Variants in USH2A observed in about 807,000 individuals in gnomAD.
The protein encoded by USH2A is usherin, also known as Usher syndrome 2A (autosomal recessive, mild).
A neutral mutation model predicts 538.9 loss-of-function variants in USH2A; 443 were observed. That is an observed-to-expected ratio of 0.82 (90% CI 0.76 to 0.89). USH2A has a LOEUF of 0.89. Ranked by LOEUF, USH2A falls within the 40% of genes least tolerant of loss-of-function variation. The pLI, the probability that USH2A is intolerant of heterozygous loss-of-function variation, is 0.00. For missense variants in USH2A, 6,633 were observed against 6,324.8 expected (o/e 1.05, Z -1.65); for synonymous variants, 2,413 against 2,273.5 (o/e 1.06, Z -1.75).
chr1:215,661,559 T>C (rs545780967), intron 64 of USH2A, among the ~76,000 whole-genome samples: 1 of 152,316 alleles, frequency 6.6e-6, no homozygotes, highest in South Asian at 2.1e-4. Flanking sequence ...CCTTTGAATG[T>C]GCCATATGTT....
At chr1:216,109,981 T>C (rs2102584690) in intron 21 of USH2A, among the ~76,000 whole-genome samples, 1 of 152,336 alleles carries the variant, frequency 6.6e-6, no homozygotes, top group African/African-American at 2.4e-5. Flanking sequence ...GATATACCTG[T>C]ATTTTCCAAA....
At chr1:216,322,933 C>T (rs1353518940) in intron 8 of USH2A, among the ~76,000 whole-genome samples, 1 of 151,902 alleles carries the variant, frequency 6.6e-6, no homozygotes, top group Non-Finnish European at 1.5e-5. Context: ...TATTGTGAGT[C>T]ATGTTCTCAA....
chr1:216,113,937 T>A (rs2032939099), intron 21 of USH2A, among the ~76,000 whole-genome samples: 1 of 151,712 alleles, frequency 6.6e-6, no homozygotes, highest in Non-Finnish European at 1.5e-5. Flanking sequence ...TAAAGTGAGA[T>A]AGGGATATAT....
chr1:216,250,883 A>C lies in USH2A; in HGVS notation c.2167+20T>G, dbSNP rs781049371. 6.2e-7 allele frequency: 1 copy of C among 1,612,864 alleles called. No individual in the cohort carries two copies. ...AGATGGTAATAGAGATGTGACTGTA[A>C]ACTTTTGCGTTACACGTACCAATAA... On this transcript the variant is annotated intron_variant, in intron 12 of 71. Transcript: ENST00000307340.
intron 15 of USH2A, among the ~76,000 whole-genome samples, chr1:216,210,712 C>T (rs2035221265): frequency 6.6e-6 from 1 of 152,130 alleles, no homozygotes; most frequent in Non-Finnish European, 1.5e-5. Flanking sequence ...ATCCATGCTT[C>T]AGTCATGCCT....
chr1:215,783,922 C>T (rs143870862), intron 52 of USH2A, among the ~76,000 whole-genome samples: 160 of 152,276 alleles, frequency 1.1e-3, no homozygotes, highest in African/African-American at 3.8e-3. Flanking sequence ...TCCTTATATA[C>T]ATCTCCTTAC....
intron 48 of USH2A, among the ~76,000 whole-genome samples, chr1:215,814,508 T>G (rs1416376635): frequency 1.3e-5 from 2 of 152,052 alleles, no homozygotes; most frequent in Non-Finnish European, 2.9e-5. Flanking sequence ...TTTTCTAGCA[T>G]GAAAGATTGG....
chr1:215,993,870 T>C (rs934090408), intron 34 of USH2A, among the ~76,000 whole-genome samples: 1 of 152,094 alleles, frequency 6.6e-6, no homozygotes, highest in Non-Finnish European at 1.5e-5. Flanking sequence ...TAATTAAGTA[T>C]CACTAATGTC....
At chr1:215,721,298 C>T (rs185407756) in intron 61 of USH2A, among the ~76,000 whole-genome samples, 6 of 152,166 alleles carry the variant, frequency 3.9e-5, no homozygotes, top group South Asian at 2.1e-4. Context: ...TGGTCTCGAA[C>T]GCCTGACCTC....
intron 36 of USH2A, among the ~76,000 whole-genome samples, chr1:215,966,243 A>G (rs1224250875): frequency 6.6e-6 from 1 of 152,188 alleles, no homozygotes; most frequent in Non-Finnish European, 1.5e-5. Flanking sequence ...ATAAATAAGT[A>G]AAATAAGTGG....
In USH2A at chr1:216,012,079, C is replaced by T. The variant is rs1485998208; in HGVS notation, c.6326-11517G>A. 6.2e-5 allele frequency among the ~76,000 whole-genome samples: 5 copies of T among 80,214 alleles called. 1 individual carries two copies. Among genetic ancestry groups the T allele is most frequent in the Non-Finnish European group, 1.1e-4 (4 of 38,082 alleles). The allele number at this position is 80,214 out of a possible 152,430, so 52.6% of individuals were successfully genotyped here. A position where few individuals can be genotyped will look rare whatever the true frequency, so the allele number is the denominator to read the frequency against. On this transcript the variant is annotated intron_variant, in intron 32 of 71. Coordinates refer to ENST00000307340, the MANE Select transcript of USH2A (RefSeq NM_206933.4). The stretch of plus-strand genomic sequence containing the variant: ...TCGGCTCACTGCAAGCTCCGCTTCC[C>T]GGGTTCACGCCATTCTCCTGCCTCA...
intron 38 of USH2A, among the ~76,000 whole-genome samples, chr1:215,920,343 C>G: frequency 6.6e-6 from 1 of 152,120 alleles, no homozygotes; most frequent in South Asian, 2.1e-4. Flanking sequence ...ATGCCACAAC[C>G]AGTCTGCTGT....
At chr1:216,163,170 T>A (rs1027055582) in intron 21 of USH2A, among the ~76,000 whole-genome samples, 7 of 151,850 alleles carry the variant, frequency 4.6e-5, no homozygotes, top group Middle Eastern at 3.2e-3. Context: ...CTTACATTGT[T>A]GCATACGATA....
chr1:215,675,611 G>A lies in USH2A; in HGVS notation c.12300C>T (p.Tyr4100=). ...PMRTNGVIKT[Y]NIFSDGFLEY... is the part of the protein sequence containing the mutation. ...CCAGGAACCCGTCACTGAAGATGTT[G>A]TATGTCTACAGAAGGACAGAAGCAA... is the stretch of plus-strand genomic sequence containing the variant. Residue 4100 remains tyrosine (Y), a synonymous_variant, in exon 63 of 72, where the codon TAC becomes TAT. Transcript: ENST00000307340. 6.2e-7 allele frequency: 1 copy of A among 1,614,088 alleles called. No individual in the cohort carries two copies. The highest frequency in any genetic ancestry group is 8.5e-7 in the Non-Finnish European group (1 of 1,179,992).
At chr1:215,833,683 A>G (rs982464631) in intron 47 of USH2A, among the ~76,000 whole-genome samples, 2 of 152,054 alleles carry the variant, frequency 1.3e-5, no homozygotes, top group Non-Finnish European at 2.9e-5. Flanking sequence ...TCAAGGAAAA[A>G]GTAACAAATC....
At position 215,914,782 on chromosome 1, in the gene USH2A, A is replaced by C. The variant is rs541182679; in HGVS notation, c.7301-13877T>G. ...CATCTGCTCCAAAAGCCTGTTTTGC[A>C]CAGGACCTAGAGTTATGCCTGGTGG... On this transcript the variant is annotated intron_variant, in intron 38 of 71. Transcript: ENST00000307340. Among the ~76,000 whole-genome samples the C allele has an allele frequency of 7.2e-5, 11 of 152,286 alleles. No individual in the cohort carries two copies. In the South Asian group the frequency reaches 1.4e-3, roughly 20 times the overall value.
chr1:216,321,842 C>T (rs1408415660), intron 9 of USH2A, 41 bp downstream of exon 9: 2 of 1,524,278 alleles, frequency 1.3e-6, no homozygotes, highest in Non-Finnish European at 1.8e-6. Context: ...ACCATCTCTA[C>T]TATTTTTTTT....
At chr1:216,207,486 C>G in intron 15 of USH2A, 55 bp from the exon 16 acceptor site, 5 of 1,605,788 alleles carry the variant, frequency 3.1e-6, no homozygotes, top group Non-Finnish European at 2.6e-6. Context: ...AACAGAAAAG[C>G]AAACTGAAGT....
intron 9 of USH2A, among the ~76,000 whole-genome samples, chr1:216,297,202 T>C (rs1420449197): frequency 6.6e-6 from 1 of 152,018 alleles, no homozygotes; most frequent in Non-Finnish European, 1.5e-5. Context: ...AATACTTCTC[T>C]CATAAGGTTG....
Sources: allele counts gnomAD v4.1 joint callset (sites outside exome capture counted in the v4.1 genomes callset), GRCh38; gene constraint gnomAD v4.1.1; transcripts MANE v1.5; gene names NCBI Gene and HGNC (gene_info 2026-07-23, HGNC 2026-07-21).